The following ARHGAP29 variants were observed in gnomAD, a reference collection of about 807,000 sequenced individuals.
ARHGAP29 encodes the protein rho GTPase-activating protein 29.
A neutral mutation model predicts 122.6 loss-of-function variants in ARHGAP29; 43 were observed. The ratio of observed to expected loss-of-function variants is 0.35; its 90% CI spans 0.27 to 0.45. The LOEUF is 0.45. Among genes scored for constraint, ARHGAP29 ranks in the 20% least tolerant of loss-of-function variants. The probability of loss-of-function intolerance (pLI) is 1.00; values close to 1 mark genes in which losing one functional copy is unlikely to be tolerated. For missense variants in ARHGAP29, 1,303 were observed against 1,477.2 expected, an observed-to-expected ratio of 0.88 and a Z score of 1.93; for synonymous variants, 506 against 497.1, an observed-to-expected ratio of 1.02 and a Z score of -0.24.
chr1:94,184,819 A>T (rs1434233100), intron 18 of ARHGAP29, 53 bp downstream of exon 18: 1 of 1,380,532 alleles, frequency 7.2e-7, no homozygotes, highest in Non-Finnish European at 9.8e-7. Flanking sequence ...TTTTCATTAG[A>T]ATAGGTTACA....
At chr1:94,279,890 G>T (rs972772299), upstream of ARHGAP29, among the ~76,000 whole-genome samples, 2 of 152,052 alleles carry the variant, frequency 1.3e-5, no homozygotes, top group Admixed American at 6.6e-5. Flanking sequence ...CCCTAATCTG[G>T]TTCCAACTTT....
chr1:94,256,175 G>T (rs1654339500), intron 1 of ARHGAP29, among the ~76,000 whole-genome samples: 1 of 152,114 alleles, frequency 6.6e-6, no homozygotes, highest in East Asian at 1.9e-4. Flanking sequence ...CCTCAAGCAG[G>T]ACTCTCTCCG....
the ARHGAP29 span, among the ~76,000 whole-genome samples, chr1:94,304,332 A>G: frequency 2.6e-5 from 4 of 152,154 alleles, no homozygotes; most frequent in Non-Finnish European, 5.9e-5. Context: ...TATAAATGGA[A>G]TCGCACTATG....
chr1:94,176,477 T>C (rs1649100706), intron 22 of ARHGAP29: 1 of 152,256 alleles, frequency 6.6e-6, no homozygotes, highest in South Asian at 2.1e-4. Context: ...TTCAGACGGT[T>C]AGTTATGGGT....
chr1:94,174,608 C>G lies in ARHGAP29; in HGVS notation c.3047G>C (p.Arg1016Thr). Residue 1016 changes from arginine (R) to threonine (T), a missense_variant, in exon 23 of 23, where the codon AGA becomes ACA. Arg to Thr is a moderately conservative substitution (Grantham distance 71, BLOSUM62 -1). This residue lies in a region of ARHGAP29 where 620 missense variants were observed against 651.2 expected (regional missense o/e 0.95). Transcript: ENST00000260526. ...TCTATCTACAGGCAAACTTACAGGT[C>G]TAATCTTGGTCCTTGGAGTATGCCT... ...VERHTPRTKI[R>T]PVSLPVDRLL... 6.2e-7 allele frequency: 1 copy of G among 1,614,110 alleles called. No homozygotes were observed. The highest frequency in any genetic ancestry group is 1.3e-5 in the African/African-American group (1 of 75,044).
chr1:94,203,678 T>C (rs1437228309), intron 8 of ARHGAP29, among the ~76,000 whole-genome samples: 1 of 152,028 alleles, frequency 6.6e-6, no homozygotes, highest in Non-Finnish European at 1.5e-5. Flanking sequence ...GAGGTTGCAG[T>C]GAGCTGAGAT....
chr1:94,251,767 G>C lies in ARHGAP29; in HGVS notation c.-32-20124C>G, dbSNP rs893207317. Among the ~76,000 whole-genome samples, 7 of 152,212 alleles carry C rather than the reference G, an allele frequency of 4.6e-5. No homozygotes were observed. The South Asian group carries it at 1.5e-3, about 32-fold the overall frequency. On this transcript the variant is annotated intron_variant and NMD_transcript_variant, in intron 1 of 25. Coordinates refer to the ARHGAP29 transcript ENST00000552844. The stretch of plus-strand genomic sequence containing the variant: ...TTCTGGTCTCTCCTCAAATGGTCCA[G>C]ATTATTGACATGTTCCTTGACTCCT...
At position 94,220,410 on chromosome 1, in the gene ARHGAP29, A is replaced by T; in HGVS notation, c.206-18T>A. The T allele has an allele frequency of 6.4e-7, 1 of 1,558,160 alleles. No individual in the cohort carries two copies. Among genetic ancestry groups the T allele is most frequent in the Non-Finnish European group, 8.7e-7 (1 of 1,151,058 alleles). ...AAAACAGTCTTTAAAAAGAAAAAAA[A>T]ATAATTTATTTCCAGAGCAAAGTTC... On this transcript the variant is annotated intron_variant, in intron 2 of 22. Coordinates refer to ENST00000260526, the MANE Select transcript of ARHGAP29 (RefSeq NM_004815.4).
At chr1:94,292,472 T>C in the ARHGAP29 span, among the ~76,000 whole-genome samples, 3 of 152,220 alleles carry the variant, frequency 2.0e-5, no homozygotes, top group Non-Finnish European at 4.4e-5. Flanking sequence ...GTCAAACTCA[T>C]TCTCTGTCCA....
At position 94,189,229 on chromosome 1, in the gene ARHGAP29, A is replaced by C; in HGVS notation, c.1563T>G (p.Ser521Arg). The part of the protein sequence containing the change: ...NKIEEDRCSN[S>R]ADITGPSFIR... ...GTGGAAAACTACCTGTTATATCTGC[A>C]CTGTTAGAGCATCTGTCCTCTTCAA... Residue 521 changes from serine (S) to arginine (R), a missense_variant, in exon 14 of 23, where the codon AGT becomes AGG. By Grantham distance (110) the Ser-to-Arg change is moderately radical. Transcript: ENST00000260526. 6.2e-7 allele frequency: 1 copy of C among 1,610,374 alleles called. No individual in the cohort carries two copies. Among genetic ancestry groups the C allele is most frequent in the African/African-American group, 1.3e-5 (1 of 74,892 alleles).
intron 3 of ARHGAP29, among the ~76,000 whole-genome samples, chr1:94,212,994 A>C (rs1447997665): frequency 2.0e-5 from 3 of 152,120 alleles, no homozygotes; most frequent in Non-Finnish European, 4.4e-5. Flanking sequence ...TATGTGAAAA[A>C]AATGTTCATT....
chr1:94,268,437 C>A (rs964596042), intron 1 of ARHGAP29, among the ~76,000 whole-genome samples: 2 of 152,112 alleles, frequency 1.3e-5, no homozygotes, highest in Non-Finnish European at 2.9e-5. Flanking sequence ...ATCCCTGAAC[C>A]CACTTTATTC....
the ARHGAP29 span, among the ~76,000 whole-genome samples, chr1:94,295,799 T>TCTAATTCCACATG: frequency 1.3e-4 from 1 of 7,684 alleles, no homozygotes; most frequent in African/African-American, 2.3e-4. Context: ...AATTCCACAT[T>TCTAATTCCACATG]GGGGTATTTG....
the ARHGAP29 span, among the ~76,000 whole-genome samples, chr1:94,299,677 T>C: frequency 1.3e-5 from 2 of 152,108 alleles, no homozygotes; most frequent in Non-Finnish European, 2.9e-5. Flanking sequence ...CACAGCACGT[T>C]CCACTGTGGG....
At chr1:94,197,423 T>C (rs1254667342) in intron 12 of ARHGAP29, among the ~76,000 whole-genome samples, 2 of 152,204 alleles carry the variant, frequency 1.3e-5, no homozygotes, top group African/African-American at 4.8e-5. Flanking sequence ...ACTGGAGGAA[T>C]GTTATCAAAC....
chr1:94,294,159 A>T, the ARHGAP29 span, among the ~76,000 whole-genome samples: 1 of 152,218 alleles, frequency 6.6e-6, no homozygotes, highest in Non-Finnish European at 1.5e-5. Context: ...GGATTTGGGC[A>T]GAGTGTGGAA....
At chr1:94,182,348 A>C (rs1356838621) in intron 19 of ARHGAP29, among the ~76,000 whole-genome samples, 1 of 152,130 alleles carries the variant, frequency 6.6e-6, no homozygotes, top group Non-Finnish European at 1.5e-5. Context: ...CAAGTATCCA[A>C]ATAAGAGTTC....
intron 1 of ARHGAP29, among the ~76,000 whole-genome samples, chr1:94,272,593 T>C (rs1158116021): frequency 6.6e-6 from 1 of 152,198 alleles, no homozygotes; most frequent in Non-Finnish European, 1.5e-5. Context: ...AGCTGGGTCA[T>C]TTATGCCTAA....
intron 10 of ARHGAP29, 59 bp downstream of exon 10, chr1:94,202,859 A>C: frequency 6.5e-7 from 1 of 1,542,892 alleles, no homozygotes. Context: ...GTCAGTATAT[A>C]CTGCAGATTA....
Sources: gnomAD v4.1 joint callset for allele counts (sites outside exome capture counted in the v4.1 genomes callset) on GRCh38, gnomAD v4.1.1 for gene constraint, gnomAD v4.1.1 regional missense constraint, MANE v1.5 for transcripts, NCBI Gene and HGNC (gene_info 2026-07-23, HGNC 2026-07-21) for gene names.